Variants in DCC observed in about 807,000 individuals in gnomAD.
DCC encodes DCC netrin 1 receptor.
A neutral mutation model predicts 172.5 loss-of-function variants in DCC; 58 were observed. That is an observed-to-expected ratio of 0.34 (90% CI 0.27 to 0.42). DCC has a LOEUF of 0.42. Among genes scored for constraint, DCC ranks in the 10% least tolerant of loss-of-function variants. The probability of loss-of-function intolerance (pLI) is 1.00; values close to 1 mark genes in which losing one functional copy is unlikely to be tolerated. For synonymous variants in DCC, 709 were observed against 644.5 expected (o/e 1.10, Z -1.52); for missense variants, 1,740 against 1,791.0 (o/e 0.97, Z 0.51).
intron 5 of DCC, among the ~76,000 whole-genome samples, chr18:52,973,109 G>C (rs941743085): frequency 1.3e-5 from 2 of 152,158 alleles, no homozygotes; most frequent in Non-Finnish European, 2.9e-5. Context: ...AATGTTTGTT[G>C]AATGGATAAA....
At chr18:53,315,701 C>T (rs1484584076) in intron 13 of DCC, among the ~76,000 whole-genome samples, 1 of 152,144 alleles carries the variant, frequency 6.6e-6, no homozygotes, top group Non-Finnish European at 1.5e-5. Flanking sequence ...ATTAGCATTT[C>T]TCTAATGACC....
At chr18:52,807,843 T>C (rs1291894758) in intron 2 of DCC, among the ~76,000 whole-genome samples, 1 of 152,204 alleles carries the variant, frequency 6.6e-6, no homozygotes, top group African/African-American at 2.4e-5. Flanking sequence ...TTTCTTATTA[T>C]GAGGGAGGGA....
chr18:52,580,711 A>T (rs1305328354), intron 1 of DCC, among the ~76,000 whole-genome samples: 3 of 152,178 alleles, frequency 2.0e-5, no homozygotes, highest in Non-Finnish European at 4.4e-5. Flanking sequence ...CTAGAGCAGC[A>T]CTGTTATTGA....
intron 3 of DCC, among the ~76,000 whole-genome samples, chr18:52,916,432 C>A (rs2040042019): frequency 6.6e-6 from 1 of 152,110 alleles, no homozygotes; most frequent in African/African-American, 2.4e-5. Flanking sequence ...GACAGCTTCC[C>A]AACATTCAAG....
Position 52,474,232 on chromosome 18 carries a change from G to GAGAT in DCC, c.91+133357_91+133358insTAGA, listed in dbSNP as rs1423004431. ...AGAGAGAGAGAGAGAGAGAGAGAGA[G>GAGAT]AGAGAGAGAGAAAGAGAGAGAAGCA... On this transcript the variant is annotated intron_variant, in intron 1 of 28. Transcript: ENST00000442544. 2.3e-5 allele frequency among the ~76,000 whole-genome samples: 3 copies of GAGAT among 131,596 alleles called. No homozygotes were observed. The East Asian group carries it at 6.6e-4, about 29-fold the overall frequency. 86.3% of individuals were successfully genotyped at this position (131,596 alleles called of 152,430 possible).
chr18:52,735,794 G>C (rs1312372145), intron 1 of DCC, among the ~76,000 whole-genome samples: 2 of 152,066 alleles, frequency 1.3e-5, no homozygotes, highest in Non-Finnish European at 2.9e-5. Flanking sequence ...TGACTCAAAT[G>C]TTAATCTCCT....
chr18:52,553,541 A>G (rs1309699555), intron 1 of DCC, among the ~76,000 whole-genome samples: 3 of 152,048 alleles, frequency 2.0e-5, no homozygotes, highest in Admixed American at 6.6e-5. Flanking sequence ...ACAAACATTT[A>G]TTATGCACCT....
chr18:52,825,995 ACT>A (rs1240441209), intron 2 of DCC, among the ~76,000 whole-genome samples: 5 of 152,256 alleles, frequency 3.3e-5, no homozygotes, highest in South Asian at 2.1e-4. Context: ...GTTTCAAATA[ACT>A]CTTTCTCCCA....
rs185997034 is a variant in DCC at position 52,511,622 on chromosome 18, G to A, written c.91+170744G>A. Among the ~76,000 whole-genome samples, 198 of 152,216 alleles carry A rather than the reference G, an allele frequency of 1.3e-3. 3 individuals are homozygous for A. The highest frequency in any genetic ancestry group is 4.7e-3 in the African/African-American group (196 of 41,528). On this transcript the variant is annotated intron_variant, in intron 1 of 28. Transcript: ENST00000442544. ...GAGTTGCTGCTAAACCTCCTACAAT[G>A]CACAAGACAGCCCCCATAATAAACA...
At chr18:52,705,663 G>C (rs2036196102) in intron 1 of DCC, among the ~76,000 whole-genome samples, 1 of 152,148 alleles carries the variant, frequency 6.6e-6, no homozygotes, top group South Asian at 2.1e-4. Flanking sequence ...CACAGATCTT[G>C]ATCTAGCTTT....
intron 12 of DCC, among the ~76,000 whole-genome samples, chr18:53,239,781 T>G (rs2056260226): frequency 6.6e-6 from 1 of 152,102 alleles, no homozygotes; most frequent in Non-Finnish European, 1.5e-5. Flanking sequence ...TTCAAAATGA[T>G]ATACAGTATT....
In DCC at chr18:53,179,882, G is replaced by T. The variant is rs759105166; in HGVS notation, c.1573+766G>T. Among the ~76,000 whole-genome samples, 5 of 152,202 alleles carry T rather than the reference G, an allele frequency of 3.3e-5. No individual in the cohort carries two copies. The South Asian group carries it at 1.0e-3, about 32-fold the overall frequency. On this transcript the variant is annotated intron_variant, in intron 9 of 28. Coordinates refer to ENST00000442544, the MANE Select transcript of DCC (RefSeq NM_005215.4). The stretch of plus-strand genomic sequence containing the variant: ...TTTGTTTCGCATTAAAAAACGATTG[G>T]AATTTAAAATCAAAATGAAATGCAT...
chr18:52,716,061 C>A (rs2036376659), intron 1 of DCC, among the ~76,000 whole-genome samples: 1 of 152,190 alleles, frequency 6.6e-6, no homozygotes, highest in Non-Finnish European at 1.5e-5. Flanking sequence ...ATGATCCCTG[C>A]TCAGACCTTG....
intron 1 of DCC, among the ~76,000 whole-genome samples, chr18:52,459,762 C>T (rs1988571413): frequency 6.6e-6 from 1 of 152,122 alleles, no homozygotes; most frequent in African/African-American, 2.4e-5. Flanking sequence ...AGCAACCGCG[C>T]CCAGGCCCAG....
At chr18:52,966,915 T>G (rs1346587284) in intron 5 of DCC, among the ~76,000 whole-genome samples, 1 of 152,226 alleles carries the variant, frequency 6.6e-6, no homozygotes, top group African/African-American at 2.4e-5. Context: ...GACATGCGTC[T>G]TTCCTGCTAT....
At chr18:53,212,714 A>C (rs1190813089) in intron 11 of DCC, among the ~76,000 whole-genome samples, 1 of 150,778 alleles carries the variant, frequency 6.6e-6, no homozygotes, top group East Asian at 2.0e-4. Context: ...TGTCTTGCCC[A>C]GGGTGGAGTG....
intron 1 of DCC, among the ~76,000 whole-genome samples, chr18:52,646,451 C>T (rs1052213021): frequency 6.6e-6 from 1 of 152,096 alleles, no homozygotes. Flanking sequence ...GGATTTAGCA[C>T]AGATCCCACA....
chr18:53,228,260 AT>A (rs199701985), intron 12 of DCC, among the ~76,000 whole-genome samples: 23 of 151,304 alleles, frequency 1.5e-4, no homozygotes, highest in African/African-American at 3.7e-4. Context: ...TAGTAAAAAA[AT>A]AAAAATAAAA....
intron 15 of DCC, among the ~76,000 whole-genome samples, chr18:53,342,039 T>C (rs1331512066): frequency 6.6e-6 from 1 of 152,058 alleles, no homozygotes; most frequent in Non-Finnish European, 1.5e-5. Context: ...TTTAATTCAT[T>C]TAAGCATAGG....
Sources: gnomAD v4.1 joint callset for allele counts (sites outside exome capture counted in the v4.1 genomes callset) on GRCh38, gnomAD v4.1.1 for gene constraint, MANE v1.5 for transcripts, NCBI Gene and HGNC (gene_info 2026-07-23, HGNC 2026-07-21) for gene names.